PCNX1: variants seen among roughly 807,000 people sequenced by gnomAD.
The protein encoded by PCNX1 is pecanex-like protein 1.
PCNX1 carries 78 observed loss-of-function variants against 242.2 expected under a neutral mutation model. The observed-to-expected ratio is 0.32, with a 90% CI of 0.27 to 0.39. PCNX1 has a LOEUF of 0.39. Among genes scored for constraint, PCNX1 ranks in the 10% least tolerant of loss-of-function variants. The probability of loss-of-function intolerance (pLI) is 1.00; values close to 1 mark genes in which losing one functional copy is unlikely to be tolerated. For synonymous variants in PCNX1, 1,024 were observed against 1,032.9 expected (o/e 0.99, Z 0.17); for missense variants, 2,581 against 2,856.5 (o/e 0.90, Z 2.20).
intron 28 of PCNX1, among the ~76,000 whole-genome samples, chr14:71,082,407 T>G (rs1310327167): frequency 1.3e-5 from 2 of 152,218 alleles, no homozygotes; most frequent in Non-Finnish European, 2.9e-5. Flanking sequence ...AAGTCCTGAA[T>G]ATCCTTGTTA....
rs562805213 is a variant in PCNX1, at chr14:70,977,481, A to G, written c.1144A>G (p.Thr382Ala). The G allele has an allele frequency of 3.7e-6, 6 of 1,614,084 alleles. No homozygotes were observed. The highest frequency in any genetic ancestry group is 1.7e-5 in the Admixed American group (1 of 60,014). The change falls in exon 6 of 36, where the codon ACA (threonine) becomes GCA (alanine). Residue 382 changes from threonine (T) to alanine (A), a missense_variant. Coordinates refer to ENST00000304743, the MANE Select transcript of PCNX1 (RefSeq NM_014982.3). ...CCTGAGCACACGGAGTAGTGGGTCA[A>G]CAGAAAGCTACTGCAGTGGAACGGA... ...RSLSTRSSGSTESYCSGTDRD... is the reference protein window; with the variant it reads ...RSLSTRSSGSAESYCSGTDRD...
intron 32 of PCNX1, among the ~76,000 whole-genome samples, 189 bp from the exon 33 acceptor site, chr14:71,105,046 G>A (rs187788392): frequency 1.3e-5 from 2 of 152,312 alleles, no homozygotes; most frequent in East Asian, 1.9e-4. Flanking sequence ...TGAATATGAC[G>A]GGTATAGTTC....
chr14:70,988,521 A>T, intron 6 of PCNX1, 46 bp from the exon 7 acceptor site: 1 of 1,592,472 alleles, frequency 6.3e-7, no homozygotes. Flanking sequence ...TGCTATTTAC[A>T]TCTCTGACCT....
Position 71,103,929 on chromosome 14 carries a change from AT to A in PCNX1, c.6095+267del, listed in dbSNP as rs1018362532. ...TTGGAAAATTCCCTTTATTTGTTTAATTTTTTTAACTTTCTGTTGTATATTA... is the reference window on the plus strand; with the variant it reads ...TTGGAAAATTCCCTTTATTTGTTTAATTTTTTAACTTTCTGTTGTATATTA... On this transcript the variant is annotated intron_variant, in intron 32 of 35. Coordinates refer to ENST00000304743, the MANE Select transcript of PCNX1 (RefSeq NM_014982.3). 3.9e-5 allele frequency among the ~76,000 whole-genome samples: 6 copies of A among 152,224 alleles called. No individual in the cohort carries two copies. In the East Asian group the frequency reaches 7.7e-4, roughly 20 times the overall value.
intron 19 of PCNX1, among the ~76,000 whole-genome samples, chr14:71,044,118 T>A (rs968028885): frequency 3.9e-5 from 6 of 152,180 alleles, no homozygotes; most frequent in African/African-American, 1.4e-4. Flanking sequence ...TGTGAATTCC[T>A]TAGTGACTTA....
chr14:70,989,265 A>G (rs971540997), intron 7 of PCNX1, among the ~76,000 whole-genome samples: 10 of 151,884 alleles, frequency 6.6e-5, no homozygotes, highest in Non-Finnish European at 1.5e-4. Context: ...AGTGTGGTCA[A>G]TTGGAGAGAG....
intron 31 of PCNX1, 81 bp downstream of exon 31, chr14:71,102,301 GTC>G: frequency 1.1e-6 from 1 of 928,054 alleles, no homozygotes. Context: ...TTGAGACAGA[GTC>G]TCACTTTGGG....
chr14:71,074,769 G>T lies in PCNX1; in HGVS notation c.5106+971G>T, dbSNP rs182605609. 6.4e-4 allele frequency among the ~76,000 whole-genome samples: 98 copies of T among 152,248 alleles called. 1 individual carries two copies. Among genetic ancestry groups the T allele is most frequent in the African/African-American group, 2.2e-3 (91 of 41,552 alleles). On this transcript the variant is annotated intron_variant, in intron 27 of 35. Coordinates refer to ENST00000304743, the MANE Select transcript of PCNX1 (RefSeq NM_014982.3). ...GGGAAGGGCATCCCAAGGCTTAGCG[G>T]TTACCCCCTAGAACCCAAGGGTAAA... is the stretch of plus-strand genomic sequence containing the variant.
intron 8 of PCNX1, among the ~76,000 whole-genome samples, chr14:71,008,306 G>A (rs1365867778): frequency 6.6e-6 from 1 of 152,032 alleles, no homozygotes; most frequent in Non-Finnish European, 1.5e-5. Context: ...ACTCTGCATT[G>A]TAGGCATGGG....
intron 7 of PCNX1, among the ~76,000 whole-genome samples, chr14:70,994,424 T>TAG (rs1259184336): frequency 6.0e-5 from 7 of 117,644 alleles, no homozygotes; most frequent in Non-Finnish European, 1.3e-4. Context: ...TATATATATA[T>TAG]ATATATGTAT....
intron 1 of PCNX1, among the ~76,000 whole-genome samples, chr14:70,919,066 T>G (rs1398645546): frequency 6.6e-6 from 1 of 152,048 alleles, no homozygotes; most frequent in Non-Finnish European, 1.5e-5. Context: ...ATTTTTTTGT[T>G]GAGGCGGGGG....
chr14:70,916,705 C>A (rs1341353983), intron 1 of PCNX1, among the ~76,000 whole-genome samples: 1 of 152,146 alleles, frequency 6.6e-6, no homozygotes, highest in African/African-American at 2.4e-5. Context: ...GGTGAAGGGT[C>A]TTGCCTAAGT....
At chr14:71,098,522 G>A (rs2062364516) in intron 30 of PCNX1, among the ~76,000 whole-genome samples, 1 of 124,292 alleles carries the variant, frequency 8.0e-6, no homozygotes, top group South Asian at 2.5e-4. Flanking sequence ...GTGTGTGTGT[G>A]TGTGTGTGTG....
chr14:70,937,791 G>T (rs1200061829), intron 1 of PCNX1, among the ~76,000 whole-genome samples: 2 of 152,242 alleles, frequency 1.3e-5, no homozygotes, highest in African/African-American at 4.8e-5. Context: ...CCATTTGTTT[G>T]TGTCCTTTTT....
At chr14:71,042,227 G>A (rs1595353456) in intron 19 of PCNX1, among the ~76,000 whole-genome samples, 2 of 152,220 alleles carry the variant, frequency 1.3e-5, no homozygotes, top group East Asian at 3.9e-4. Context: ...TTTCTTTGTT[G>A]ATTTTCTGTC....
intron 8 of PCNX1, among the ~76,000 whole-genome samples, chr14:71,003,452 T>A (rs1473247625): frequency 6.6e-6 from 1 of 152,184 alleles, no homozygotes; most frequent in African/African-American, 2.4e-5. Flanking sequence ...ATACAACTTA[T>A]TTGTCAGATA....
intron 16 of PCNX1, among the ~76,000 whole-genome samples, chr14:71,032,360 C>A (rs2060412051): frequency 6.6e-6 from 1 of 152,212 alleles, no homozygotes; most frequent in Admixed American, 6.5e-5. Flanking sequence ...AGTTCACTTT[C>A]TGGCTCTGCC....
intron 12 of PCNX1, among the ~76,000 whole-genome samples, chr14:71,019,488 G>A (rs1233060043): frequency 2.6e-5 from 4 of 152,078 alleles, no homozygotes; most frequent in Admixed American, 1.3e-4. Flanking sequence ...TGCAACCGTC[G>A]CCTCCCAGGT....
At chr14:71,007,044 A>G (rs2140481590) in intron 8 of PCNX1, among the ~76,000 whole-genome samples, 1 of 152,298 alleles carries the variant, frequency 6.6e-6, no homozygotes, top group Middle Eastern at 3.4e-3. Context: ...TTCTGTTAAA[A>G]TCATAGCCTC....
Sources: gnomAD v4.1 joint callset for allele counts (sites outside exome capture counted in the v4.1 genomes callset) on GRCh38, gnomAD v4.1.1 for gene constraint, MANE v1.5 for transcripts, NCBI Gene and HGNC (gene_info 2026-07-23, HGNC 2026-07-21) for gene names.